The following MBNL1 variants were observed in gnomAD, a reference collection of about 807,000 sequenced individuals.
MBNL1 encodes the protein muscleblind like splicing regulator 1.
Under a neutral mutation model 42.2 loss-of-function variants are expected in MBNL1, and 8 were observed. The ratio of observed to expected loss-of-function variants is 0.19; its 90% CI spans 0.11 to 0.34. The LOEUF (loss-of-function observed/expected upper bound fraction) is 0.34, where lower values mean the gene tolerates loss of function less well. Ranked by LOEUF, MBNL1 falls within the 10% of genes least tolerant of loss-of-function variation. The pLI, the probability that MBNL1 is intolerant of heterozygous loss-of-function variation, is 1.00. For synonymous variants in MBNL1, 169 were observed against 173.9 expected (o/e 0.97, Z 0.22); for missense variants, 309 against 495.3 (o/e 0.62, Z 3.57).
intron 4 of MBNL1, among the ~76,000 whole-genome samples, chr3:152,437,309 T>C (rs1305268598): frequency 6.6e-6 from 1 of 152,206 alleles, no homozygotes; most frequent in Non-Finnish European, 1.5e-5. Flanking sequence ...TAAAATACCA[T>C]AGATTGTCAG....
intron 1 of MBNL1, among the ~76,000 whole-genome samples, chr3:152,281,996 A>G (rs547838207): frequency 6.6e-6 from 1 of 152,260 alleles, no homozygotes; most frequent in South Asian, 2.1e-4. Context: ...ATGTGTCTAT[A>G]TATATATTCC....
intron 2 of MBNL1, among the ~76,000 whole-genome samples, chr3:152,367,955 T>C (rs1205132939): frequency 1.3e-5 from 2 of 151,930 alleles, no homozygotes; most frequent in Non-Finnish European, 1.5e-5. Flanking sequence ...GCAAAAACTT[T>C]CTCCCATTCT....
intron 2 of MBNL1, among the ~76,000 whole-genome samples, chr3:152,414,051 G>C (rs1455383662): frequency 6.6e-6 from 1 of 152,112 alleles, no homozygotes; most frequent in African/African-American, 2.4e-5. Context: ...AAAGTGCTAA[G>C]ATTACTAAAC....
intron 3 of MBNL1, among the ~76,000 whole-genome samples, chr3:152,420,029 A>G (rs1438045301): frequency 6.6e-6 from 1 of 152,154 alleles, no homozygotes; most frequent in East Asian, 1.9e-4. Context: ...CAGCACAGCA[A>G]AGCTGCTGTA....
intron 1 of MBNL1, chr3:152,269,454 G>A (rs1281326617): frequency 8.9e-6 from 4 of 449,604 alleles, no homozygotes; most frequent in South Asian, 1.6e-5. Context: ...TCGGGGGAAG[G>A]TGTGAGTCCC....
chr3:152,422,672 T>A (rs1204469175), intron 3 of MBNL1, among the ~76,000 whole-genome samples: 1 of 152,202 alleles, frequency 6.6e-6, no homozygotes, highest in African/African-American at 2.4e-5. Flanking sequence ...ACATAGCACT[T>A]ATTCTAACAT....
At chr3:152,290,713 T>G (rs1048925650) in intron 1 of MBNL1, among the ~76,000 whole-genome samples, 3 of 152,148 alleles carry the variant, frequency 2.0e-5, no homozygotes, top group African/African-American at 7.2e-5. Flanking sequence ...AGGTTAAATA[T>G]GAAAACTATG....
chr3:152,463,980 C>T lies in MBNL1; in HGVS notation c.*1614C>T, dbSNP rs1454344517. ...TGTTGATTTTACTGATTGTACTGTACATCTATTAAAGCCTTAGATTATTAC... is the reference window on the plus strand; with the variant it reads ...TGTTGATTTTACTGATTGTACTGTATATCTATTAAAGCCTTAGATTATTAC... On this transcript the variant is annotated 3_prime_UTR_variant, in exon 10 of 10. Coordinates refer to ENST00000324210, the MANE Select transcript of MBNL1 (RefSeq NM_021038.5). The T allele has an allele frequency of 6.6e-6, 1 of 152,510 alleles. No homozygotes were observed. Among genetic ancestry groups the T allele is most frequent in the Non-Finnish European group, 1.5e-5 (1 of 67,964 alleles). The allele number at this position is 152,510 out of a possible 1,614,324, so 9.4% of individuals were successfully genotyped here.
intron 3 of MBNL1, 69 bp from the exon 4 acceptor site, chr3:152,432,648 G>A: frequency 2.2e-6 from 3 of 1,348,542 alleles, no homozygotes; most frequent in Non-Finnish European, 3.2e-6. Context: ...GAGGACAAAT[G>A]TATAATTAAG....
intron 2 of MBNL1, among the ~76,000 whole-genome samples, chr3:152,394,300 C>T (rs990772616): frequency 6.6e-6 from 1 of 152,204 alleles, no homozygotes; most frequent in African/African-American, 2.4e-5. Context: ...TATTTATATA[C>T]AGTGAGAAGA....
intron 4 of MBNL1, among the ~76,000 whole-genome samples, chr3:152,440,591 G>A (rs148988680): frequency 0.019 from 2,880 of 152,258 alleles, 98 homozygotes; most frequent in African/African-American, 0.066. Context: ...TCAAGATGAG[G>A]TTTGGGTGGG....
At position 152,379,808 on chromosome 3, in the gene MBNL1, G is replaced by A. The variant is rs999114939; in HGVS notation, c.175-35133G>A. 1.3e-4 allele frequency among the ~76,000 whole-genome samples: 20 copies of A among 152,130 alleles called. No individual in the cohort carries two copies. In the South Asian group the frequency reaches 1.7e-3, roughly 13 times the overall value. On this transcript the variant is annotated intron_variant, in intron 2 of 9. Coordinates refer to ENST00000324210, the MANE Select transcript of MBNL1 (RefSeq NM_021038.5). Reference sequence around the variant, plus strand: ...AGTTAAAGATTCAGATGAACAATGAGTCAGAAGATAGGTTAAGCTTTTCCG... The same window carrying A: ...AGTTAAAGATTCAGATGAACAATGAATCAGAAGATAGGTTAAGCTTTTCCG...
chr3:152,451,668 T>C (rs1166348711), intron 6 of MBNL1, among the ~76,000 whole-genome samples: 1 of 152,220 alleles, frequency 6.6e-6, no homozygotes, highest in Non-Finnish European at 1.5e-5. Flanking sequence ...ATCCTTTAGA[T>C]AGGACACATA....
chr3:152,268,291 G>T (rs1576837587), upstream of MBNL1: 1 of 168,212 alleles, frequency 5.9e-6, no homozygotes, highest in South Asian at 1.2e-4. Flanking sequence ...GTTTCACTAA[G>T]GAATTCCAAA....
intron 2 of MBNL1, among the ~76,000 whole-genome samples, chr3:152,368,723 C>T (rs2096535995): frequency 6.6e-6 from 1 of 152,106 alleles, no homozygotes; most frequent in Non-Finnish European, 1.5e-5. Context: ...TTGAAGAGGT[C>T]CTTCACATTC....
intron 3 of MBNL1, among the ~76,000 whole-genome samples, chr3:152,421,135 A>G (rs906267774): frequency 6.6e-6 from 1 of 152,192 alleles, no homozygotes; most frequent in African/African-American, 2.4e-5. Context: ...GACCAAACCT[A>G]CGTTTGATTG....
chr3:152,319,526 G>T (rs1186772525), intron 2 of MBNL1, among the ~76,000 whole-genome samples: 1 of 149,454 alleles, frequency 6.7e-6, no homozygotes, highest in Non-Finnish European at 1.5e-5. Flanking sequence ...CCTGACAGAT[G>T]AAAACTGCTA....
At chr3:152,436,345 G>T (rs1398704920) in intron 4 of MBNL1, among the ~76,000 whole-genome samples, 1 of 152,142 alleles carries the variant, frequency 6.6e-6, no homozygotes, top group East Asian at 1.9e-4. Context: ...GAGATGTGAA[G>T]CAACTCTTTC....
intron 2 of MBNL1, among the ~76,000 whole-genome samples, chr3:152,319,383 G>A (rs150360539): frequency 6.6e-6 from 1 of 152,208 alleles, no homozygotes; most frequent in East Asian, 1.9e-4. Context: ...GAACCAAGGA[G>A]TGGTGAGGTT....
Sources: allele counts gnomAD v4.1 joint callset (sites outside exome capture counted in the v4.1 genomes callset), GRCh38; gene constraint gnomAD v4.1.1; transcripts MANE v1.5; gene names NCBI Gene and HGNC (gene_info 2026-07-23, HGNC 2026-07-21).